TCF20: variants seen among roughly 807,000 people sequenced by gnomAD.
The protein encoded by TCF20 is SPRE-binding protein.
Under a neutral mutation model 148.6 loss-of-function variants are expected in TCF20, and 3 were observed. The observed-to-expected ratio is 0.02, with a 90% CI of 0.01 to 0.05. The LOEUF (loss-of-function observed/expected upper bound fraction) is 0.05. TCF20 is among the 10% of genes least tolerant of loss of function. The pLI is 1.00. For missense variants in TCF20, 2,350 were observed against 2,429.3 expected (o/e 0.97, Z 0.69); for synonymous variants, 1,049 against 909.5 (o/e 1.15, Z -2.76).
chr22:42,234,518 G>A (rs1459514261), intron 1 of TCF20, among the ~76,000 whole-genome samples: 1 of 152,124 alleles, frequency 6.6e-6, no homozygotes, highest in East Asian at 1.9e-4. Flanking sequence ...GAGCGGAGGT[G>A]AGTCAACACA....
chr22:42,223,194 G>A (rs1922539912), intron 1 of TCF20, among the ~76,000 whole-genome samples: 1 of 152,264 alleles, frequency 6.6e-6, no homozygotes, highest in South Asian at 2.1e-4. Context: ...ATCTATATAT[G>A]TTAGTCACTG....
At chr22:42,283,236 C>T (rs1926946387) in intron 1 of TCF20, among the ~76,000 whole-genome samples, 4 of 152,206 alleles carry the variant, frequency 2.6e-5, no homozygotes, top group Admixed American at 2.6e-4. Flanking sequence ...TCCTTTGTCC[C>T]GCATCACCAC....
In TCF20 at chr22:42,338,310, G is replaced by A. The variant is rs1412842374; in HGVS notation, c.-37+5169C>T. The stretch of plus-strand genomic sequence containing the variant: ...GTCGGCTGCACAGAGGAAACTACAC[G>A]TGCTGGGTGTGTAATAACGGGTTAA... On this transcript the variant is annotated intron_variant, in intron 1 of 1. Coordinates refer to the TCF20 transcript ENST00000515426. This position sits in a 1 kb window ranked among gnomAD's most constrained non-coding sequence, Gnocchi z 4.0. 4.6e-5 allele frequency among the ~76,000 whole-genome samples: 7 copies of A among 152,230 alleles called. No individual in the cohort carries two copies. The highest frequency in any genetic ancestry group is 4.8e-5 in the African/African-American group (2 of 41,462).
chr22:42,237,754 C>G (rs1200294417), intron 1 of TCF20, among the ~76,000 whole-genome samples: 1 of 152,174 alleles, frequency 6.6e-6, no homozygotes, highest in African/African-American at 2.4e-5. Flanking sequence ...TTATACATTT[C>G]CATCAGAGCT....
At position 42,210,549 on chromosome 22, in the gene TCF20, C is replaced by T; in HGVS notation, c.4757G>A (p.Arg1586Lys). Residue 1586 changes from arginine to lysine, a missense_variant, in exon 2 of 6, where the codon AGA becomes AAA. By Grantham distance (26) the Arg-to-Lys change is conservative (BLOSUM62 2). Coordinates refer to ENST00000677622, the MANE Select transcript of TCF20 (RefSeq NM_001378418.1). The surrounding 1 kb of genome is among the most constrained non-coding windows in gnomAD (Gnocchi z 4.7). ...CCTCGGCTGGGCCCCAGGCTTCCTT[C>T]TCTCCCTCCTTTGCCTCTGTTTTTT... ...KPKKQRQRRE[R>K]RKPGAQPRKR... 1 of 1,614,202 alleles carries T rather than the reference C, an allele frequency of 6.2e-7. No homozygotes were observed. Among genetic ancestry groups the T allele is most frequent in the East Asian group, 2.2e-5 (1 of 44,878 alleles).
intron 2 of TCF20, among the ~76,000 whole-genome samples, chr22:42,190,869 C>T (rs534384254): frequency 3.9e-5 from 6 of 152,116 alleles, no homozygotes; most frequent in Non-Finnish European, 8.8e-5. Flanking sequence ...AAAGAAAGTT[C>T]GTAATTATCA....
intron 1 of TCF20, among the ~76,000 whole-genome samples, chr22:42,309,160 AG>A (rs1927487506): frequency 6.6e-6 from 1 of 152,118 alleles, no homozygotes; most frequent in African/African-American, 2.4e-5. Flanking sequence ...GAGACAGATA[AG>A]AGCGGAGCCG....
At chr22:42,342,984 G>T (rs1407563197) in intron 1 of TCF20, among the ~76,000 whole-genome samples, 1 of 152,224 alleles carries the variant, frequency 6.6e-6, no homozygotes, top group East Asian at 1.9e-4. Flanking sequence ...TTAAGGAAAG[G>T]AGGAAAAAGA....
At chr22:42,301,028 G>A (rs1927327007) in intron 1 of TCF20, among the ~76,000 whole-genome samples, 1 of 152,176 alleles carries the variant, frequency 6.6e-6, no homozygotes, top group Non-Finnish European at 1.5e-5. Flanking sequence ...ACCTCTGTAG[G>A]GTGGCGGTAG....
chr22:42,244,483 T>C (rs1394213947), intron 1 of TCF20, among the ~76,000 whole-genome samples: 1 of 152,138 alleles, frequency 6.6e-6, no homozygotes, highest in African/African-American at 2.4e-5. Flanking sequence ...TCATACACAA[T>C]ACAATGTAGA....
chr22:42,239,608 T>C (rs1349375387), intron 1 of TCF20, among the ~76,000 whole-genome samples: 3 of 151,808 alleles, frequency 2.0e-5, no homozygotes, highest in Non-Finnish European at 2.9e-5. Context: ...GCCAACACAG[T>C]GAAACCCCAC....
At chr22:42,181,598 CT>C (rs34232368) in intron 2 of TCF20, among the ~76,000 whole-genome samples, 5,093 of 136,356 alleles carry the variant, frequency 0.037, 100 homozygotes, top group Middle Eastern at 0.058. Flanking sequence ...TCCCCCCAAC[CT>C]TTTTTTTTTT....
In TCF20 at chr22:42,229,377, G is replaced by A. The variant is rs919586627; in HGVS notation, c.-36-14036C>T. On this transcript the variant is annotated intron_variant, in intron 1 of 5. Transcript: ENST00000677622. ...ATTTGAGATCTAAGTTTAAGGGAACGGCAGGATATCCAGTCTGTAACTTCC... is the reference window on the plus strand; with the variant it reads ...ATTTGAGATCTAAGTTTAAGGGAACAGCAGGATATCCAGTCTGTAACTTCC... Among the ~76,000 whole-genome samples, 6 of 152,278 alleles carry A rather than the reference G, an allele frequency of 3.9e-5. No individual in the cohort carries two copies. In the South Asian group the frequency reaches 1.0e-3, roughly 26 times the overall value.
chr22:42,187,215 T>C (rs1403895723), intron 2 of TCF20, among the ~76,000 whole-genome samples: 1 of 152,196 alleles, frequency 6.6e-6, no homozygotes, highest in African/African-American at 2.4e-5. Flanking sequence ...GGCCCAATAG[T>C]TCATCTTCTC....
chr22:42,215,232 G>C lies in TCF20; in HGVS notation c.74C>G (p.Ser25Cys). The C allele has an allele frequency of 1.9e-6, 3 of 1,614,190 alleles. No individual in the cohort carries two copies. Among genetic ancestry groups the C allele is most frequent in the Non-Finnish European group, 2.5e-6 (3 of 1,180,030 alleles). ...QSYPQEVHGS[S>C]RLEEFSPRQA... ...ACGAGGGCTGAACTCTTCTAGCCGG[G>C]ATGAGCCGTGTACCTCCTGTGGGTA... The change falls in exon 2 of 6, where the codon TCC becomes TGC. Residue 25 changes from serine to cysteine, a missense_variant. This residue lies in a region of TCF20 where 1,641 missense variants were observed against 1,662.6 expected (regional missense o/e 0.99). Transcript: ENST00000677622.
Position 42,211,410 on chromosome 22 carries a change from T to A in TCF20, c.3896A>T (p.Tyr1299Phe). 1.2e-6 allele frequency: 2 copies of A among 1,614,168 alleles called. No individual in the cohort carries two copies. The highest frequency in any genetic ancestry group is 1.7e-6 in the Non-Finnish European group (2 of 1,180,038). Reference protein sequence around the residue: ...KEGADKAFNSYAHLSHSQDIK... With the variant: ...KEGADKAFNSFAHLSHSQDIK... ...ATCCTGACTGTGAGAAAGATGGGCA[T>A]AGGAATTGAATGCTTTATCAGCGCC... The change falls in exon 2 of 6, where the codon TAT (tyrosine) becomes TTT (phenylalanine). Residue 1299 changes from tyrosine to phenylalanine, a missense_variant. Coordinates refer to ENST00000677622, the MANE Select transcript of TCF20 (RefSeq NM_001378418.1).
chr22:42,166,753 T>C (rs1935812850), intron 5 of TCF20, among the ~76,000 whole-genome samples: 1 of 152,118 alleles, frequency 6.6e-6, no homozygotes, highest in Non-Finnish European at 1.5e-5. Flanking sequence ...CAAACACAGA[T>C]GCAATTCCAG....
chr22:42,337,162 C>A (rs966555809), intron 1 of TCF20, among the ~76,000 whole-genome samples: 1 of 152,150 alleles, frequency 6.6e-6, no homozygotes, highest in East Asian at 1.9e-4. Context: ...TGCCTCATGT[C>A]CAAGGCCCCT....
chr22:42,185,193 C>G (rs570930268), intron 2 of TCF20, among the ~76,000 whole-genome samples: 1 of 152,220 alleles, frequency 6.6e-6, no homozygotes, highest in Non-Finnish European at 1.5e-5. Flanking sequence ...CTGATGACAA[C>G]TGGTTTTGTT....
Sources: gnomAD v4.1 joint callset for allele counts (sites outside exome capture counted in the v4.1 genomes callset) on GRCh38, gnomAD v4.1.1 for gene constraint, gnomAD v4.1.1 regional missense constraint, Gnocchi (gnomAD v3.1) non-coding constraint, MANE v1.5 for transcripts, NCBI Gene and HGNC (gene_info 2026-07-23, HGNC 2026-07-21) for gene names.